TMEM273: variants seen among roughly 807,000 people sequenced by gnomAD.
TMEM273 encodes the protein chromosome 10 open reading frame 128.
Under a neutral mutation model 17.9 loss-of-function variants are expected in TMEM273, and 19 were observed. The observed-to-expected ratio is 1.06, with a 90% CI of 0.74 to 1.55. The LOEUF is 1.55. TMEM273 is among the 40% of genes most tolerant of loss of function. The pLI is 0.00. For missense variants in TMEM273, 194 were observed against 155.6 expected, an observed-to-expected ratio of 1.25 and a Z score of -1.31; for synonymous variants, 66 against 62.0, an observed-to-expected ratio of 1.07 and a Z score of -0.31.
intron 4 of TMEM273, 139 bp downstream of exon 4, chr10:49,165,627 G>T: frequency 7.6e-7 from 1 of 1,320,662 alleles, no homozygotes; most frequent in Non-Finnish European, 1.1e-6. Flanking sequence ...TGTAAGGAGG[G>T]GACCACGAGG....
At chr10:49,165,669 G>A (rs1408709691) in intron 4 of TMEM273, 97 bp downstream of exon 4, 24 of 1,531,788 alleles carry the variant, frequency 1.6e-5, no homozygotes, top group Non-Finnish European at 2.2e-5. Context: ...GCATGCCAGA[G>A]TGCAGAGAAG....
chr10:49,184,182 A>T (rs894706516), intron 1 of TMEM273, among the ~76,000 whole-genome samples: 6 of 152,254 alleles, frequency 3.9e-5, no homozygotes, highest in Admixed American at 2.6e-4. Context: ...GGCCGTAAAT[A>T]AAAATAAATT....
chr10:49,158,852 A>C (rs1431860312), intron 6 of TMEM273, among the ~76,000 whole-genome samples: 1 of 152,246 alleles, frequency 6.6e-6, no homozygotes, highest in African/African-American at 2.4e-5. Context: ...CAAATGGATC[A>C]GACATCTAAG....
chr10:49,167,303 C>A (rs1313666811), intron 2 of TMEM273, among the ~76,000 whole-genome samples: 1 of 152,236 alleles, frequency 6.6e-6, no homozygotes, highest in South Asian at 2.1e-4. Flanking sequence ...AGCCTCCTAG[C>A]CCTTCCTCAC....
chr10:49,165,797 C>T lies in TMEM273; in HGVS notation c.239-1G>A, dbSNP rs1281663965. Reference sequence around the variant, plus strand: ...GCTCTCTTCTTTAGCGGGATGGTGTCTAAACAGAGAAAGCCGGGCATTAGG... The same window carrying T: ...GCTCTCTTCTTTAGCGGGATGGTGTTTAAACAGAGAAAGCCGGGCATTAGG... On this transcript the variant is annotated splice_acceptor_variant, in intron 3 of 6. Transcript: ENST00000374153. LOFTEE classifies it high-confidence loss of function. The T allele has an allele frequency of 1.2e-6, 2 of 1,614,042 alleles. No individual in the cohort carries two copies. Among genetic ancestry groups the T allele is most frequent in the Non-Finnish European group, 1.7e-6 (2 of 1,180,026 alleles).
chr10:49,155,727 G>A lies in TMEM273; in HGVS notation c.*165C>T. ...GCATGATATTTTCCTTCAGGACAGA[G>A]GCACTGTATATTCTATTCCTTCTAT... is the stretch of plus-strand genomic sequence containing the variant. On this transcript the variant is annotated 3_prime_UTR_variant, in exon 7 of 7. Transcript: ENST00000374153. 2.2e-6 allele frequency: 2 copies of A among 922,702 alleles called. No individual in the cohort carries two copies. The highest frequency in any genetic ancestry group is 2.3e-5 in the Admixed American group (1 of 43,706). 57.2% of individuals were successfully genotyped at this position (922,702 alleles called of 1,614,324 possible).
At chr10:49,170,059 G>T (rs1846457789) in intron 1 of TMEM273, among the ~76,000 whole-genome samples, 1 of 152,106 alleles carries the variant, frequency 6.6e-6, no homozygotes, top group Non-Finnish European at 1.5e-5. Context: ...GGTGGGCATT[G>T]CTCTCACTTG....
Position 49,161,430 on chromosome 10 carries a change from C to A in TMEM273, c.372+169G>T, listed in dbSNP as rs571830920. 2.7e-5 allele frequency: 20 copies of A among 745,434 alleles called. No individual in the cohort carries two copies. In the Admixed American group the frequency reaches 3.7e-4, roughly 14 times the overall value. 46.2% of individuals were successfully genotyped at this position (745,434 alleles called of 1,614,324 possible). ...AGTACCATCATGTCCCAAGGTGATGCTGATTCCTGGTCTCACAGCTGTCCT... is the reference window on the plus strand; with the variant it reads ...AGTACCATCATGTCCCAAGGTGATGATGATTCCTGGTCTCACAGCTGTCCT... On this transcript the variant is annotated intron_variant, in intron 6 of 6. Coordinates refer to ENST00000374153, the MANE Select transcript of TMEM273 (RefSeq NM_001288740.3).
chr10:49,165,912 G>C (rs1846149464), intron 3 of TMEM273, 116 bp from the exon 4 acceptor site: 5 of 1,338,888 alleles, frequency 3.7e-6, no homozygotes, highest in Non-Finnish European at 5.3e-6. Context: ...GCCCTCGAGA[G>C]ACCCGGGGCC....
intron 6 of TMEM273, chr10:49,156,360 C>T (rs1334117125): frequency 1.2e-5 from 13 of 1,047,006 alleles, no homozygotes; most frequent in Non-Finnish European, 1.7e-5. Context: ...CTTCTCTGTG[C>T]TTGGTGTACC....
intron 1 of TMEM273, among the ~76,000 whole-genome samples, chr10:49,181,366 T>A (rs1847331237): frequency 6.6e-6 from 1 of 152,226 alleles, no homozygotes; most frequent in Non-Finnish European, 1.5e-5. Flanking sequence ...AAGATTATTT[T>A]AAAATTTACA....
chr10:49,172,667 C>T (rs973495733), intron 1 of TMEM273, among the ~76,000 whole-genome samples: 1 of 152,216 alleles, frequency 6.6e-6, no homozygotes, highest in Non-Finnish European at 1.5e-5. Context: ...CAGCCAGTGG[C>T]CTTGGACCAG....
chr10:49,170,476 C>T (rs1846490199), intron 1 of TMEM273, among the ~76,000 whole-genome samples: 2 of 152,194 alleles, frequency 1.3e-5, no homozygotes, highest in Non-Finnish European at 2.9e-5. Flanking sequence ...TCCTCTATGT[C>T]CCATCCTGTG....
At chr10:49,177,172 C>T (rs1001669479) in intron 1 of TMEM273, among the ~76,000 whole-genome samples, 2 of 152,236 alleles carry the variant, frequency 1.3e-5, no homozygotes, top group African/African-American at 4.8e-5. Context: ...GTTCCCTTAC[C>T]CAAGCCCTGG....
At chr10:49,169,075 C>A (rs1446339260) in intron 1 of TMEM273, among the ~76,000 whole-genome samples, 7 of 152,166 alleles carry the variant, frequency 4.6e-5, no homozygotes, top group African/African-American at 1.7e-4. Context: ...CACTGAGAGT[C>A]CAGGAAGGCC....
At chr10:49,176,319 C>G (rs1256431728) in intron 1 of TMEM273, among the ~76,000 whole-genome samples, 1 of 152,194 alleles carries the variant, frequency 6.6e-6, no homozygotes, top group Admixed American at 6.5e-5. Flanking sequence ...GTGGCGCTCC[C>G]CAGCAAGGGC....
intron 1 of TMEM273, among the ~76,000 whole-genome samples, chr10:49,179,267 A>G (rs949345096): frequency 4.6e-5 from 7 of 152,276 alleles, no homozygotes; most frequent in Non-Finnish European, 8.8e-5. Flanking sequence ...GGAGCTAGTG[A>G]AAAGGTCTGC....
intron 1 of TMEM273, among the ~76,000 whole-genome samples, chr10:49,174,723 G>C (rs1335267347): frequency 6.6e-6 from 1 of 152,160 alleles, no homozygotes; most frequent in Non-Finnish European, 1.5e-5. Flanking sequence ...GGTGGTATGA[G>C]GGGGACTCTG....
At chr10:49,156,172 G>C (rs1026344948) in intron 6 of TMEM273, 16 of 1,509,330 alleles carry the variant, frequency 1.1e-5, no homozygotes, top group Non-Finnish European at 1.4e-5. Flanking sequence ...ATGACAAAAA[G>C]AGAAGTCATT....
Sources: allele counts gnomAD v4.1 joint callset (sites outside exome capture counted in the v4.1 genomes callset), GRCh38; gene constraint gnomAD v4.1.1; transcripts MANE v1.5; gene names NCBI Gene and HGNC (gene_info 2026-07-23, HGNC 2026-07-21).